Variants in ITPR2 observed in about 807,000 individuals in gnomAD.
ITPR2 encodes the protein inositol 1,4,5-trisphosphate receptor type 2.
A neutral mutation model predicts 317.1 loss-of-function variants in ITPR2; 207 were observed. That is an observed-to-expected ratio of 0.65 (90% CI 0.58 to 0.73). ITPR2 has a LOEUF of 0.73. Ranked by LOEUF, ITPR2 falls within the 30% of genes least tolerant of loss-of-function variation. The pLI is 0.00. For missense variants in ITPR2, 2,613 were observed against 3,284.0 expected, an observed-to-expected ratio of 0.80 and a Z score of 4.99; for synonymous variants, 1,156 against 1,149.1, an observed-to-expected ratio of 1.01 and a Z score of -0.12.
intron 1 of ITPR2, among the ~76,000 whole-genome samples, chr12:26,803,476 G>T (rs1950595211): frequency 4.6e-5 from 7 of 152,176 alleles, no homozygotes; most frequent in Admixed American, 4.6e-4. Flanking sequence ...AGGTAGGAAA[G>T]ATGGAGCAAG....
chr12:26,389,346 A>T (rs1272885957), intron 54 of ITPR2, among the ~76,000 whole-genome samples: 1 of 152,210 alleles, frequency 6.6e-6, no homozygotes, highest in Admixed American at 6.5e-5. Context: ...ATTTCAGATA[A>T]ATAATAAATA....
intron 48 of ITPR2, among the ~76,000 whole-genome samples, chr12:26,430,002 A>C (rs1315057990): frequency 6.6e-6 from 1 of 152,216 alleles, no homozygotes; most frequent in African/African-American, 2.4e-5. Flanking sequence ...GTTTGCTGAG[A>C]TATCCCCTTG....
intron 48 of ITPR2, 94 bp from the exon 49 acceptor site, chr12:26,428,182 A>G (rs1941119327): frequency 1.1e-6 from 1 of 891,630 alleles, no homozygotes; most frequent in African/African-American, 1.7e-5. Context: ...TCATTAAGTC[A>G]AAGCCATAAT....
At chr12:26,439,987 T>C (rs1295542123) in intron 46 of ITPR2, among the ~76,000 whole-genome samples, 1 of 152,218 alleles carries the variant, frequency 6.6e-6, no homozygotes, top group Non-Finnish European at 1.5e-5. Context: ...CAAGGGCTTA[T>C]GTAGCCTAAA....
intron 24 of ITPR2, 24 bp downstream of exon 24, chr12:26,624,274 TA>T: frequency 6.8e-7 from 1 of 1,469,262 alleles, no homozygotes; most frequent in Non-Finnish European, 9.5e-7. Flanking sequence ...ACAAGTAAGA[TA>T]AAGATATATA....
At position 26,475,392 on chromosome 12, in the gene ITPR2, GT is replaced by G; in HGVS notation, c.6245del (p.Asn2082ThrfsTer58). The G allele has an allele frequency of 6.2e-7, 1 of 1,612,770 alleles. No homozygotes were observed. The highest frequency in any genetic ancestry group is 1.3e-5 in the African/African-American group (1 of 74,728). The stretch of plus-strand genomic sequence containing the variant: ...CCCCATGGTCACATTCCAATCCTTG[GT>G]TATAGGCATTCTTCATCACATCCAC... ...ELVDVMKNAYNQGLECDHGDD... is the reference protein window; with the variant it reads ...ELVDVMKNAYXQGLECDHGDD... On this transcript the variant is annotated frameshift_variant, in exon 45 of 57. Transcript: ENST00000381340. LOFTEE classifies it high-confidence loss of function.
chr12:26,354,451 AG>A (rs1938571352), intron 55 of ITPR2, among the ~76,000 whole-genome samples: 1 of 152,164 alleles, frequency 6.6e-6, no homozygotes, highest in African/African-American at 2.4e-5. Flanking sequence ...AGCTCAAGGA[AG>A]GGTCCACCAC....
rs375145482 is a variant in ITPR2, at chr12:26,794,445, T to G, written c.93-4218A>C. Among the ~76,000 whole-genome samples the G allele has an allele frequency of 6.5e-4, 99 of 152,326 alleles. 1 individual carries two copies. Among genetic ancestry groups the G allele is most frequent in the African/African-American group, 2.4e-3 (98 of 41,598 alleles). On this transcript the variant is annotated intron_variant, in intron 1 of 56. Transcript: ENST00000381340. Reference sequence around the variant, plus strand: ...TTAAGACACTTTATTGCTGTCCATGTCCAGAAATATAAATGAAATCCATCC... The same window carrying G: ...TTAAGACACTTTATTGCTGTCCATGGCCAGAAATATAAATGAAATCCATCC...
intron 46 of ITPR2, among the ~76,000 whole-genome samples, chr12:26,440,954 C>A (rs1247749240): frequency 2.6e-5 from 4 of 152,154 alleles, no homozygotes; most frequent in Non-Finnish European, 5.9e-5. Context: ...TTTTTCAATA[C>A]GTTTATTCAA....
intron 43 of ITPR2, among the ~76,000 whole-genome samples, chr12:26,478,155 A>AT (rs1942458502): frequency 6.6e-6 from 1 of 152,064 alleles, no homozygotes; most frequent in Non-Finnish European, 1.5e-5. Context: ...CTATCCAACT[A>AT]TTTTCCCCCC....
chr12:26,625,336 G>C (rs889112483), intron 23 of ITPR2, among the ~76,000 whole-genome samples: 2 of 151,794 alleles, frequency 1.3e-5, no homozygotes, highest in South Asian at 4.2e-4. Context: ...ACTATAATTG[G>C]ATTATTTGTA....
chr12:26,351,806 T>G (rs1364847066), intron 55 of ITPR2, among the ~76,000 whole-genome samples: 1 of 152,208 alleles, frequency 6.6e-6, no homozygotes, highest in African/African-American at 2.4e-5. Context: ...CTTTAAGCCT[T>G]TCTTAATCTT....
At chr12:26,566,659 C>G (rs1468293232) in intron 34 of ITPR2, among the ~76,000 whole-genome samples, 3 of 152,170 alleles carry the variant, frequency 2.0e-5, no homozygotes, top group Admixed American at 1.3e-4. Flanking sequence ...AAAACTCACT[C>G]TGAAGTTTTA....
chr12:26,695,796 A>C, intron 9 of ITPR2, 146 bp from the exon 10 acceptor site: 1 of 613,248 alleles, frequency 1.6e-6, no homozygotes, highest in Non-Finnish European at 2.9e-6. Context: ...TAAATATGAC[A>C]ATTTAAAATA....
At chr12:26,606,109 T>A (rs2136758295) in intron 26 of ITPR2, among the ~76,000 whole-genome samples, 1 of 152,058 alleles carries the variant, frequency 6.6e-6, no homozygotes, top group South Asian at 2.1e-4. Flanking sequence ...AAACCCTGAA[T>A]CTATTCTAAT....
intron 3 of ITPR2, among the ~76,000 whole-genome samples, chr12:26,725,300 T>C (rs1232191861): frequency 1.3e-5 from 2 of 152,224 alleles, no homozygotes; most frequent in Non-Finnish European, 2.9e-5. Context: ...CTTTCAATTA[T>C]TTTTCTCCAT....
intron 55 of ITPR2, among the ~76,000 whole-genome samples, chr12:26,367,725 A>T (rs1255606501): frequency 6.6e-6 from 1 of 152,208 alleles, no homozygotes; most frequent in East Asian, 1.9e-4. Flanking sequence ...TGTTATTACG[A>T]TTTGAAAAGA....
At position 26,606,488 on chromosome 12, in the gene ITPR2, C is replaced by CT. The variant is rs1487039056; in HGVS notation, c.3463-3783_3463-3782insA. ...GAATAGTCTAGAAATTGGGTGGCAT[C>CT]AGGGTTCTAGGCAGAGAAACAAAGA... On this transcript the variant is annotated intron_variant, in intron 26 of 56. Transcript: ENST00000381340. 4.7e-5 allele frequency among the ~76,000 whole-genome samples: 7 copies of CT among 149,200 alleles called. 1 individual carries two copies. In the South Asian group the frequency reaches 1.3e-3, roughly 27 times the overall value.
In ITPR2 at chr12:26,656,695, C is replaced by G. The variant is rs1315001349; in HGVS notation, c.2193-147G>C. 1.1e-5 allele frequency: 9 copies of G among 782,782 alleles called. No homozygotes were observed. The Admixed American group carries it at 1.4e-4, about 12-fold the overall frequency. 48.5% of individuals were successfully genotyped at this position (782,782 alleles called of 1,614,324 possible). A position where few individuals can be genotyped will look rare whatever the true frequency, so the allele number is the denominator to read the frequency against. ...CAAACTCTTGACTGTAGTATGTTAA[C>G]CATTAAGATCAAATGACAAGACATA... On this transcript the variant is annotated intron_variant, in intron 18 of 56. Transcript: ENST00000381340.
Sources: gnomAD v4.1 joint callset for allele counts (sites outside exome capture counted in the v4.1 genomes callset) on GRCh38, gnomAD v4.1.1 for gene constraint, MANE v1.5 for transcripts, NCBI Gene and HGNC (gene_info 2026-07-23, HGNC 2026-07-21) for gene names.